The following ZNF99 variants were observed in gnomAD, a reference collection of about 807,000 sequenced individuals.
The protein encoded by ZNF99 is zinc finger protein ENSP00000375192.
ZNF99 carries 8 observed loss-of-function variants against 12.8 expected under a neutral mutation model. The ratio of observed to expected loss-of-function variants is 0.62; its 90% confidence interval spans 0.37 to 1.13. The LOEUF (loss-of-function observed/expected upper bound fraction) is 1.13. ZNF99 is among the 50% of genes most tolerant of loss of function. The pLI is 0.02. For synonymous variants in ZNF99, 318 were observed against 319.0 expected (o/e 1.00, Z 0.03); for missense variants, 1,007 against 1,006.2 (o/e 1.00, Z -0.01).
At chr19:22,763,904 CT>C (rs965211065) in intron 3 of ZNF99, among the ~76,000 whole-genome samples, 155 of 101,664 alleles carry the variant, frequency 1.5e-3, no homozygotes, top group South Asian at 0.012. Flanking sequence ...TTTTTCTTTC[CT>C]TTTTTTTTTT....
intron 3 of ZNF99, among the ~76,000 whole-genome samples, chr19:22,767,107 C>CAAAAAAAAAAAAAAAAAACAAAAAAAAA (rs1973212936): frequency 1.2e-5 from 1 of 81,748 alleles, no homozygotes; most frequent in African/African-American, 3.7e-5. Context: ...CTGTCTCTAC[C>CAAAAAAAAAAAAAAAAAACAAAAAAAAA]AAAAAAAAAA....
intron 3 of ZNF99, 64 bp from the exon 4 acceptor site, chr19:22,759,746 TC>T: frequency 8.2e-7 from 1 of 1,225,306 alleles, no homozygotes; most frequent in Non-Finnish European, 1.1e-6. Flanking sequence ...ACTTTACAAA[TC>T]TAACCTATAA....
At chr19:22,770,200 G>T (rs1218543376) in intron 1 of ZNF99, among the ~76,000 whole-genome samples, 1 of 152,112 alleles carries the variant, frequency 6.6e-6, no homozygotes, top group African/African-American at 2.4e-5. Context: ...TATAAACAAA[G>T]ACGAGAGCCC....
At chr19:22,772,422 C>G (rs1172867152) in intron 1 of ZNF99, among the ~76,000 whole-genome samples, 1 of 152,174 alleles carries the variant, frequency 6.6e-6, no homozygotes, top group Admixed American at 6.5e-5. Flanking sequence ...CGGTGGCTTG[C>G]GCCTATAATC....
intron 1 of ZNF99, among the ~76,000 whole-genome samples, chr19:22,782,413 T>C (rs1973397602): frequency 6.6e-6 from 1 of 151,978 alleles, no homozygotes; most frequent in African/African-American, 2.4e-5. Flanking sequence ...TGGACTGCAA[T>C]GGCGCGATCT....
chr19:22,775,708 GAAAC>G (rs1324924314), intron 1 of ZNF99, among the ~76,000 whole-genome samples: 2 of 152,176 alleles, frequency 1.3e-5, no homozygotes, highest in East Asian at 1.9e-4. Flanking sequence ...AAGTTTACAA[GAAAC>G]AAACAACCTC....
Position 22,769,289 on chromosome 19 carries a change from G to A in ZNF99, c.39C>T (p.Phe13=), listed in dbSNP as rs549300463. 4.3e-4 allele frequency: 699 copies of A among 1,609,266 alleles called. 11 individuals carry two copies. The South Asian group carries it at 7.2e-3, about 17-fold the overall frequency. ...CCAGGCATTGCCACTCCTCCAGAGC[G>A]AATTCTATGGTCACATCCCAAAATG... ...SLTFWDVTIE[F]ALEEWQCLDM... Residue 13 remains phenylalanine (F), a synonymous_variant, in exon 2 of 4, where the codon TTC becomes TTT. Transcript: ENST00000596209.
At chr19:22,761,509 A>C (rs1973150502) in intron 3 of ZNF99, among the ~76,000 whole-genome samples, 1 of 152,246 alleles carries the variant, frequency 6.6e-6, no homozygotes, top group Admixed American at 6.5e-5. Flanking sequence ...TAGTAGACCT[A>C]ATAAATGAGA....
In ZNF99 at chr19:22,761,219, T is replaced by A. The variant is rs931388185; in HGVS notation, c.227-1537A>T. 3.3e-5 allele frequency among the ~76,000 whole-genome samples: 5 copies of A among 152,046 alleles called. No individual in the cohort carries two copies. In the East Asian group the frequency reaches 5.8e-4, roughly 18 times the overall value. ...TAGGAACACAGACCACTATAAAAAA[T>A]TTTAAAAATGAGGATACCTCTTCCC... On this transcript the variant is annotated intron_variant, in intron 3 of 3. Transcript: ENST00000596209.
chr19:22,778,212 CCT>C (rs1973350508), intron 1 of ZNF99, among the ~76,000 whole-genome samples: 1 of 151,668 alleles, frequency 6.6e-6, no homozygotes, highest in South Asian at 2.1e-4. Context: ...TCTTTTTTAT[CCT>C]CTCTCACCCT....
chr19:22,779,007 C>CA (rs540497626), intron 1 of ZNF99, among the ~76,000 whole-genome samples: 13,210 of 128,300 alleles, frequency 0.1, 587 homozygotes, highest in Middle Eastern at 0.13. Context: ...AACTCTATCT[C>CA]AAAAAAAAAA....
In ZNF99 at chr19:22,754,642, C is replaced by T; in HGVS notation, c.*2672G>A. Reference sequence around the variant, plus strand: ...TGTGAGAAATGGTTACAGTGTTTGCCACATTCTTCATATTTGTAGGGCTAG... The same window carrying T: ...TGTGAGAAATGGTTACAGTGTTTGCTACATTCTTCATATTTGTAGGGCTAG... On this transcript the variant is annotated 3_prime_UTR_variant, in exon 4 of 4. Coordinates refer to ENST00000596209, the MANE Select transcript of ZNF99 (RefSeq NM_001080409.3). The T allele has an allele frequency of 2.9e-6, 1 of 339,680 alleles. No homozygotes were observed. The highest frequency in any genetic ancestry group is 6.1e-4 in the Middle Eastern group (1 of 1,628). 21.0% of individuals were successfully genotyped at this position (339,680 alleles called of 1,614,324 possible). A position where few individuals can be genotyped will look rare whatever the true frequency, so the allele number is the denominator to read the frequency against.
At chr19:22,781,493 T>C (rs1222660865) in intron 1 of ZNF99, among the ~76,000 whole-genome samples, 1 of 150,850 alleles carries the variant, frequency 6.6e-6, no homozygotes, top group Non-Finnish European at 1.5e-5. Flanking sequence ...TTTTTCATTA[T>C]ATTTCACTAT....
Position 22,753,465 on chromosome 19 carries a change from T to C in ZNF99, c.*3849A>G, listed in dbSNP as rs1198814514. 2 of 152,100 alleles carry C rather than the reference T, an allele frequency of 1.3e-5. No individual in the cohort carries two copies. Among genetic ancestry groups the C allele is most frequent in the African/African-American group, 2.4e-5 (1 of 41,442 alleles). The allele number at this position is 152,100 out of a possible 1,614,324, so 9.4% of individuals were successfully genotyped here. Reference sequence around the variant, plus strand: ...GTTTTCTAAGCTGTAGTTTATAAACTTTTTTCCAAATTTATTACATTTGCA... The same window carrying C: ...GTTTTCTAAGCTGTAGTTTATAAACCTTTTTCCAAATTTATTACATTTGCA... On this transcript the variant is annotated 3_prime_UTR_variant, in exon 4 of 4. Coordinates refer to ENST00000596209, the MANE Select transcript of ZNF99 (RefSeq NM_001080409.3).
In ZNF99 at chr19:22,758,608, A is replaced by T; in HGVS notation, c.1301T>A (p.Phe434Tyr). The T allele has an allele frequency of 6.2e-7, 1 of 1,613,332 alleles. No individual in the cohort carries two copies. Among genetic ancestry groups the T allele is most frequent in the Non-Finnish European group, 8.5e-7 (1 of 1,179,712 alleles). The change falls in exon 4 of 4, where the codon TTT becomes TAT. Residue 434 changes from phenylalanine to tyrosine, a missense_variant. Phe to Tyr is a conservative substitution (Grantham distance 22, BLOSUM62 3). Coordinates refer to ENST00000596209, the MANE Select transcript of ZNF99 (RefSeq NM_001080409.3). ...PCKCEECGKA[F>Y]KRFSALRKHK... Reference sequence around the variant, plus strand: ...TTTTCTAAGGGCTGAGAAACGCTTAAAAGCTTTGCCACATTCTTCACATTT... The same window carrying T: ...TTTTCTAAGGGCTGAGAAACGCTTATAAGCTTTGCCACATTCTTCACATTT...
intron 3 of ZNF99, among the ~76,000 whole-genome samples, chr19:22,762,470 G>A (rs1315131008): frequency 1.3e-5 from 2 of 151,778 alleles, no homozygotes; most frequent in African/African-American, 4.9e-5. Context: ...GACCAATAAT[G>A]AGCAGCGAGA....
intron 1 of ZNF99, among the ~76,000 whole-genome samples, chr19:22,772,567 T>C (rs180735600): frequency 5.3e-4 from 80 of 151,804 alleles, no homozygotes; most frequent in African/African-American, 1.8e-3. Context: ...ATCCCAGCTA[T>C]TCGGGAGGCT....
Position 22,758,242 on chromosome 19 carries a change from TTA to T in ZNF99, c.1665_1666del (p.His555GlnfsTer13), listed in dbSNP as rs749703234. The T allele has an allele frequency of 5.6e-6, 9 of 1,600,814 alleles. No individual in the cohort carries two copies. The Admixed American group carries it at 8.4e-5, about 15-fold the overall frequency. ...TGGTTTCTTCCCAGTATGAATTATC[TTA>T]TGTTTCATAAGGGTTGAGGAATTGT... On this transcript the variant is annotated frameshift_variant, in exon 4 of 4. Transcript: ENST00000596209. LOFTEE classifies it low-confidence loss of function (END_TRUNC).
At chr19:22,768,924 G>T (rs998673036) in intron 2 of ZNF99, among the ~76,000 whole-genome samples, 2 of 151,790 alleles carry the variant, frequency 1.3e-5, no homozygotes, top group Admixed American at 6.6e-5. Context: ...AGCTACTCAG[G>T]AGGCTGAGGC....
Sources: allele counts gnomAD v4.1 joint callset (sites outside exome capture counted in the v4.1 genomes callset), GRCh38; gene constraint gnomAD v4.1.1; transcripts MANE v1.5; gene names NCBI Gene and HGNC (gene_info 2026-07-23, HGNC 2026-07-21).